Variants in ZBTB20 observed in about 807,000 individuals in gnomAD.
ZBTB20 encodes the protein zinc finger and BTB domain containing 20.
ZBTB20 carries 9 observed loss-of-function variants against 56.9 expected under a neutral mutation model. The observed-to-expected ratio is 0.16, with a 90% CI of 0.10 to 0.28. The LOEUF (loss-of-function observed/expected upper bound fraction) is 0.28. Among genes scored for constraint, ZBTB20 ranks in the 10% least tolerant of loss-of-function variants. The probability of loss-of-function intolerance (pLI) is 1.00; values close to 1 mark genes in which losing one functional copy is unlikely to be tolerated. For missense variants in ZBTB20, 655 were observed against 1,003.0 expected (o/e 0.65, Z 4.69); for synonymous variants, 417 against 420.7 (o/e 0.99, Z 0.11).
At chr3:114,913,226 C>T (rs2075613830) in intron 3 of ZBTB20, among the ~76,000 whole-genome samples, 2 of 151,908 alleles carry the variant, frequency 1.3e-5, no homozygotes, top group Non-Finnish European at 2.9e-5. Flanking sequence ...CTCTTTTCTC[C>T]ATATCCTCAC....
chr3:114,591,881 A>T (rs1027664385), intron 6 of ZBTB20, among the ~76,000 whole-genome samples: 1 of 152,170 alleles, frequency 6.6e-6, no homozygotes, highest in Non-Finnish European at 1.5e-5. Flanking sequence ...TGTCCTCAAC[A>T]TCTAAAATAA....
rs1266663194 is a variant in ZBTB20 at position 114,315,797 on chromosome 3, A to AT, written c.*23207dup. On this transcript the variant is annotated 3_prime_UTR_variant, in exon 12 of 12. Transcript: ENST00000675478. ...CTTCATTGAGAACATACATGCCCAG[A>AT]TATCTCTTCTGTGCACATGTATATG... The AT allele has an allele frequency of 6.6e-6, 1 of 152,404 alleles. No homozygotes were observed. The highest frequency in any genetic ancestry group is 1.5e-5 in the Non-Finnish European group (1 of 68,200). 9.4% of individuals were successfully genotyped at this position (152,404 alleles called of 1,614,324 possible). A position where few individuals can be genotyped will look rare whatever the true frequency, so the allele number is the denominator to read the frequency against.
chr3:114,518,547 G>A (rs1376185326), intron 6 of ZBTB20: 1 of 152,140 alleles, frequency 6.6e-6, no homozygotes, highest in Non-Finnish European at 1.5e-5. Flanking sequence ...TATGCTGTGT[G>A]GAGGGAAGGG....
At chr3:114,380,657 C>T in intron 9 of ZBTB20, 120 bp downstream of exon 9, 2 of 1,371,498 alleles carry the variant, frequency 1.5e-6, no homozygotes, top group South Asian at 3.2e-5. Flanking sequence ...CATAAAAAGA[C>T]CCTGTCCCAG....
At chr3:114,400,547 G>A (rs1224381356) in intron 7 of ZBTB20, among the ~76,000 whole-genome samples, 1 of 152,082 alleles carries the variant, frequency 6.6e-6, no homozygotes, top group Non-Finnish European at 1.5e-5. Context: ...TCCTCTCCCA[G>A]CACGCTGCAG....
chr3:114,701,041 G>A (rs1284904786), intron 5 of ZBTB20, among the ~76,000 whole-genome samples: 2 of 152,168 alleles, frequency 1.3e-5, no homozygotes, highest in Non-Finnish European at 2.9e-5. Flanking sequence ...GTTAATCAAT[G>A]AGCTTAATCT....
rs923396747 is a variant in ZBTB20 at position 114,326,430 on chromosome 3, C to A, written c.*12575G>T. 2.0e-5 allele frequency: 3 copies of A among 152,064 alleles called. No homozygotes were observed. Among genetic ancestry groups the A allele is most frequent in the Admixed American group, 6.5e-5 (1 of 15,270 alleles). The allele number at this position is 152,064 out of a possible 1,614,324, so 9.4% of individuals were successfully genotyped here. A position where few individuals can be genotyped will look rare whatever the true frequency, so the allele number is the denominator to read the frequency against. On this transcript the variant is annotated 3_prime_UTR_variant, in exon 12 of 12. Coordinates refer to ENST00000675478, the MANE Select transcript of ZBTB20 (RefSeq NM_001348800.3). ...TATCCTCAAAGTAAAGAGAGAATTT[C>A]TCTCTTAAAAGCTCATGAGTGCTAT...
chr3:115,045,824 T>C (rs2081314079), intron 2 of ZBTB20, among the ~76,000 whole-genome samples: 1 of 152,210 alleles, frequency 6.6e-6, no homozygotes, highest in Non-Finnish European at 1.5e-5. Context: ...TCTTTTTCTC[T>C]ACTTCTTTTT....
At chr3:114,977,854 AC>A (rs1222317972) in intron 2 of ZBTB20, among the ~76,000 whole-genome samples, 2 of 151,982 alleles carry the variant, frequency 1.3e-5, no homozygotes, top group Non-Finnish European at 2.9e-5. Flanking sequence ...CACAAAAAAT[AC>A]AAAAATTAGT....
intron 4 of ZBTB20, among the ~76,000 whole-genome samples, chr3:114,820,487 C>A (rs1363137552): frequency 6.6e-6 from 1 of 151,980 alleles, no homozygotes; most frequent in Non-Finnish European, 1.5e-5. Context: ...TTGGTGGTGT[C>A]AAGTGATTTA....
intron 5 of ZBTB20, among the ~76,000 whole-genome samples, chr3:114,800,535 T>A (rs890572262): frequency 1.3e-5 from 2 of 151,848 alleles, no homozygotes; most frequent in African/African-American, 4.8e-5. Flanking sequence ...GACTGCTTCG[T>A]AGCAGAATGG....
At chr3:114,481,321 A>T (rs749010150) in intron 7 of ZBTB20, among the ~76,000 whole-genome samples, 2 of 151,732 alleles carry the variant, frequency 1.3e-5, no homozygotes, top group East Asian at 1.9e-4. Context: ...AACAGAGTTG[A>T]AACTCAGGTC....
chr3:114,395,872 T>TGA (rs1191142939), intron 7 of ZBTB20, among the ~76,000 whole-genome samples: 10 of 152,296 alleles, frequency 6.6e-5, no homozygotes, highest in African/African-American at 2.4e-4. Context: ...AGAGACCTCT[T>TGA]GATTCCTCTT....
intron 4 of ZBTB20, among the ~76,000 whole-genome samples, chr3:114,859,680 C>G (rs1490053878): frequency 1.3e-5 from 2 of 148,636 alleles, no homozygotes; most frequent in African/African-American, 2.5e-5. Flanking sequence ...ATAGCATGCT[C>G]TAAGCAAAGG....
chr3:114,334,910 G>T lies in ZBTB20; in HGVS notation c.*4095C>A, dbSNP rs1370308751. ...CAGATTTTTTTTCTTTGCTTAGCTTGTTTCCCCCTGTGTAGAATTGTAACA... is the reference window on the plus strand; with the variant it reads ...CAGATTTTTTTTCTTTGCTTAGCTTTTTTCCCCCTGTGTAGAATTGTAACA... On this transcript the variant is annotated 3_prime_UTR_variant, in exon 12 of 12. Coordinates refer to ENST00000675478, the MANE Select transcript of ZBTB20 (RefSeq NM_001348800.3). 1 of 151,956 alleles carries T rather than the reference G, an allele frequency of 6.6e-6. No individual in the cohort carries two copies. Among genetic ancestry groups the T allele is most frequent in the Non-Finnish European group, 1.5e-5 (1 of 67,986 alleles). The allele number at this position is 151,956 out of a possible 1,614,324, so 9.4% of individuals were successfully genotyped here. A position where few individuals can be genotyped will look rare whatever the true frequency, so the allele number is the denominator to read the frequency against.
chr3:114,429,614 T>G (rs1295576837), intron 7 of ZBTB20, among the ~76,000 whole-genome samples: 1 of 152,166 alleles, frequency 6.6e-6, no homozygotes, highest in African/African-American at 2.4e-5. Flanking sequence ...TGCTAAGTCA[T>G]GCTTCTTTCA....
chr3:115,114,136 T>C (rs1405728081), intron 1 of ZBTB20, among the ~76,000 whole-genome samples: 1 of 152,188 alleles, frequency 6.6e-6, no homozygotes, highest in African/African-American at 2.4e-5. Flanking sequence ...CATTTTGCTC[T>C]TACTGAAGAG....
At chr3:114,699,910 A>T (rs1009917077) in intron 5 of ZBTB20, among the ~76,000 whole-genome samples, 3 of 152,114 alleles carry the variant, frequency 2.0e-5, no homozygotes, top group Non-Finnish European at 4.4e-5. Context: ...TAAAGCTCAC[A>T]GTTCATTTTT....
intron 2 of ZBTB20, among the ~76,000 whole-genome samples, chr3:114,992,609 C>T (rs116158653): frequency 2.0e-4 from 30 of 151,766 alleles, no homozygotes; most frequent in African/African-American, 6.3e-4. Context: ...TATATTTGTC[C>T]GCAGTGTGGG....
Sources: gnomAD v4.1 joint callset for allele counts (sites outside exome capture counted in the v4.1 genomes callset) on GRCh38, gnomAD v4.1.1 for gene constraint, MANE v1.5 for transcripts, NCBI Gene and HGNC (gene_info 2026-07-23, HGNC 2026-07-21) for gene names.